The following STK4 variants were observed in gnomAD, a reference collection of about 807,000 sequenced individuals.
STK4 encodes the protein serine/threonine-protein kinase 4.
A neutral mutation model predicts 64.9 loss-of-function variants in STK4; 30 were observed. That is an observed-to-expected ratio of 0.46 (90% CI 0.35 to 0.63). The LOEUF (loss-of-function observed/expected upper bound fraction) is 0.63. Ranked by LOEUF, STK4 falls within the 20% of genes least tolerant of loss-of-function variation. The pLI, the probability that STK4 is intolerant of heterozygous loss-of-function variation, is 0.01. For synonymous variants in STK4, 177 were observed against 199.0 expected (o/e 0.89, Z 0.93); for missense variants, 466 against 598.5 (o/e 0.78, Z 2.31).
At chr20:45,005,900 T>TTCTA (rs2067934221) in intron 9 of STK4, among the ~76,000 whole-genome samples, 1 of 151,990 alleles carries the variant, frequency 6.6e-6, no homozygotes, top group African/African-American at 2.4e-5. Flanking sequence ...AGGCATGGAT[T>TTCTA]TCTAAGTGGA....
intron 3 of STK4, among the ~76,000 whole-genome samples, chr20:44,979,014 T>A (rs552591818): frequency 6.6e-6 from 1 of 152,254 alleles, no homozygotes; most frequent in South Asian, 2.1e-4. Flanking sequence ...TTCGTCAGGC[T>A]GATCTCAAAT....
intron 10 of STK4, among the ~76,000 whole-genome samples, chr20:45,035,799 C>T (rs73910108): frequency 6.6e-6 from 1 of 152,052 alleles, no homozygotes; most frequent in African/African-American, 2.4e-5. Flanking sequence ...GAATTAAACT[C>T]AAATATAGTC....
chr20:44,988,451 CAGCCTGGGCAACAG>C (rs767457700), intron 5 of STK4, among the ~76,000 whole-genome samples: 2 of 149,264 alleles, frequency 1.3e-5, no homozygotes, highest in Non-Finnish European at 3.0e-5. Flanking sequence ...CTCTGCACTC[CAGCCTGGGCAACAG>C]AGTGAGACCC....
intron 10 of STK4, among the ~76,000 whole-genome samples, chr20:45,061,228 C>G (rs1003411054): frequency 2.6e-5 from 4 of 152,314 alleles, no homozygotes; most frequent in Non-Finnish European, 5.9e-5. Context: ...TCTAAGCATG[C>G]AAAATACTAC....
intron 3 of STK4, among the ~76,000 whole-genome samples, 189 bp downstream of exon 3, chr20:44,978,760 A>G (rs1177082734): frequency 6.6e-6 from 1 of 151,204 alleles, no homozygotes; most frequent in Admixed American, 6.6e-5. Flanking sequence ...AAACCTCCGT[A>G]ATTTTTATGC....
At position 45,079,664 on chromosome 20, in the gene STK4, G is replaced by T. The variant is rs1239117481; in HGVS notation, c.*4488G>T. The T allele has an allele frequency of 6.6e-6, 1 of 152,476 alleles. No homozygotes were observed. Among genetic ancestry groups the T allele is most frequent in the Non-Finnish European group, 1.5e-5 (1 of 67,996 alleles). 9.4% of individuals were successfully genotyped at this position (152,476 alleles called of 1,614,324 possible). On this transcript the variant is annotated 3_prime_UTR_variant, in exon 11 of 11. Transcript: ENST00000372806. Reference sequence around the variant, plus strand: ...AAAAAAGCTTAAATGTTTTTGCTATGTACAGTTTAAAAATGTGAAGTTTGT... The same window carrying T: ...AAAAAAGCTTAAATGTTTTTGCTATTTACAGTTTAAAAATGTGAAGTTTGT...
intron 10 of STK4, among the ~76,000 whole-genome samples, chr20:45,058,084 C>CCCCT (rs1978653238): frequency 6.7e-6 from 1 of 150,160 alleles, no homozygotes; most frequent in Non-Finnish European, 1.5e-5. Context: ...CACACACACA[C>CCCCT]ACACCCCTAC....
At chr20:45,002,562 T>G (rs1179614218) in intron 9 of STK4, among the ~76,000 whole-genome samples, 1 of 152,228 alleles carries the variant, frequency 6.6e-6, no homozygotes, top group African/African-American at 2.4e-5. Flanking sequence ...TTGACAGATT[T>G]GCCACTTATT....
intron 5 of STK4, among the ~76,000 whole-genome samples, chr20:44,993,078 A>G (rs1476551235): frequency 6.6e-6 from 1 of 151,778 alleles, no homozygotes; most frequent in Non-Finnish European, 1.5e-5. Context: ...ATTTTGGTGA[A>G]AGTATAAGGT....
intron 1 of STK4, chr20:44,970,435 C>T (rs2145626471): frequency 6.6e-6 from 1 of 152,084 alleles, no homozygotes; most frequent in South Asian, 2.1e-4. Context: ...GTTTATACAA[C>T]TTTGATTATA....
chr20:45,005,006 C>T (rs1050645534), intron 9 of STK4, among the ~76,000 whole-genome samples: 18 of 151,706 alleles, frequency 1.2e-4, no homozygotes, highest in African/African-American at 3.9e-4. Context: ...CTCTTGACCT[C>T]GTAATCCGCC....
At chr20:45,008,446 A>G (rs1268634519) in intron 9 of STK4, among the ~76,000 whole-genome samples, 1 of 152,164 alleles carries the variant, frequency 6.6e-6, no homozygotes, top group Non-Finnish European at 1.5e-5. Context: ...CCAGTCCACT[A>G]TTGATGGGCA....
At chr20:44,982,303 A>ATTT (rs372174958) in intron 4 of STK4, among the ~76,000 whole-genome samples, 2 of 142,918 alleles carry the variant, frequency 1.4e-5, no homozygotes, top group African/African-American at 2.6e-5. Flanking sequence ...TTGTTTTTTA[A>ATTT]TTTTTTTTTT....
intron 10 of STK4, among the ~76,000 whole-genome samples, chr20:45,041,212 T>C (rs958898681): frequency 3.9e-5 from 6 of 152,196 alleles, no homozygotes; most frequent in African/African-American, 1.4e-4. Context: ...AAGGGGCAAG[T>C]CTACAAAACA....
At chr20:45,015,718 G>A (rs1449952915) in intron 9 of STK4, among the ~76,000 whole-genome samples, 2 of 152,186 alleles carry the variant, frequency 1.3e-5, no homozygotes, top group South Asian at 4.1e-4. Flanking sequence ...TACAGACTAC[G>A]TCACCTTGGT....
intron 7 of STK4, among the ~76,000 whole-genome samples, chr20:44,999,095 GA>G (rs1336206873): frequency 6.6e-6 from 1 of 151,078 alleles, no homozygotes; most frequent in African/African-American, 2.4e-5. Context: ...AAAAGGAAAA[GA>G]AAATCAGAAA....
intron 10 of STK4, among the ~76,000 whole-genome samples, chr20:45,071,577 A>G (rs774659342): frequency 6.6e-6 from 1 of 152,182 alleles, no homozygotes; most frequent in Non-Finnish European, 1.5e-5. Flanking sequence ...TGTTGCCTCC[A>G]GATTAGAATC....
rs771787874 is a variant in STK4 at position 44,997,237 on chromosome 20, T to C, written c.762T>C (p.Phe254=). The C allele has an allele frequency of 6.2e-7, 1 of 1,613,844 alleles. No homozygotes were observed. Among genetic ancestry groups the C allele is most frequent in the African/African-American group, 1.3e-5 (1 of 74,922 alleles). Residue 254 remains phenylalanine (F), a synonymous_variant, in exon 7 of 11, where the codon TTT becomes TTC. Coordinates refer to ENST00000372806, the MANE Select transcript of STK4 (RefSeq NM_006282.5). ...FRKPELWSDN[F]TDFVKQCLVK... ...AACCAGAGCTATGGTCAGATAACTT[T>C]ACAGATTTTGTGAAACAGTGTCTTG...
chr20:44,980,336 T>G (rs2067415593), intron 3 of STK4, among the ~76,000 whole-genome samples: 1 of 152,220 alleles, frequency 6.6e-6, no homozygotes, highest in Admixed American at 6.5e-5. Context: ...AAGAGGAAAT[T>G]GTAAGAGTTC....
Sources: gnomAD v4.1 joint callset for allele counts (sites outside exome capture counted in the v4.1 genomes callset) on GRCh38, gnomAD v4.1.1 for gene constraint, MANE v1.5 for transcripts, NCBI Gene and HGNC (gene_info 2026-07-23, HGNC 2026-07-21) for gene names.